KIRREL3: variants seen among roughly 807,000 people sequenced by gnomAD.
The protein encoded by KIRREL3 is kin of IRRE-like protein 3.
Under a neutral mutation model 89.7 loss-of-function variants are expected in KIRREL3, and 36 were observed. That is an observed-to-expected ratio of 0.40 (90% confidence interval 0.31 to 0.53). The LOEUF (loss-of-function observed/expected upper bound fraction) is 0.53. Among genes scored for constraint, KIRREL3 ranks in the 20% least tolerant of loss-of-function variants. The pLI is 0.49. For missense variants in KIRREL3, 864 were observed against 1,056.6 expected (o/e 0.82, Z 2.53); for synonymous variants, 445 against 441.4 (o/e 1.01, Z -0.10).
chr11:126,950,040 A>T (rs1276769319), intron 1 of KIRREL3, among the ~76,000 whole-genome samples: 1 of 152,198 alleles, frequency 6.6e-6, no homozygotes, highest in Non-Finnish European at 1.5e-5. Flanking sequence ...TGTTTTTTTT[A>T]AATGGAAACC....
At chr11:126,632,895 C>T (rs1944103620) in intron 1 of KIRREL3, among the ~76,000 whole-genome samples, 1 of 147,626 alleles carries the variant, frequency 6.8e-6, no homozygotes, top group Non-Finnish European at 1.5e-5. Context: ...ATTTTGAGAC[C>T]AGCCTGGCCA....
chr11:126,995,364 C>A lies in KIRREL3; in HGVS notation c.55+5091G>T, dbSNP rs772963405. The A allele has an allele frequency of 1.8e-5, 8 of 456,134 alleles. No individual in the cohort carries two copies. The highest frequency in any genetic ancestry group is 1.2e-4 in the African/African-American group (6 of 50,166). 28.3% of individuals were successfully genotyped at this position (456,134 alleles called of 1,614,324 possible). A position where few individuals can be genotyped will look rare whatever the true frequency, so the allele number is the denominator to read the frequency against. ...CTCATGATCTTACTGACCTTCTCCA[C>A]TGATGAATTAGAACACCCCTCTTCC... is the stretch of plus-strand genomic sequence containing the variant. On this transcript the variant is annotated intron_variant, in intron 1 of 16. Transcript: ENST00000525144. This position sits in a 1 kb window ranked among gnomAD's most constrained non-coding sequence, Gnocchi z 6.5.
chr11:126,447,285 C>A lies in KIRREL3; in HGVS notation c.998-399G>T, dbSNP rs1955857443. ...TCCATCCCAGTGGCGGGCAGGGGCC[C>A]TCCTCCTGCCCTGGAAATCTGGGCT... On this transcript the variant is annotated intron_variant, in intron 8 of 16. Coordinates refer to ENST00000525144, the MANE Select transcript of KIRREL3 (RefSeq NM_032531.4). Among the ~76,000 whole-genome samples, 2 of 151,998 alleles carry A rather than the reference C, an allele frequency of 1.3e-5. 1 individual carries two copies. Among genetic ancestry groups the A allele is most frequent in the Admixed American group, 1.3e-4 (2 of 15,274 alleles).
At chr11:126,758,613 A>T (rs1949577983) in intron 1 of KIRREL3, among the ~76,000 whole-genome samples, 1 of 152,238 alleles carries the variant, frequency 6.6e-6, no homozygotes, top group South Asian at 2.1e-4. Context: ...TAGAAGATAG[A>T]TGGGAAACAC....
intron 1 of KIRREL3, among the ~76,000 whole-genome samples, chr11:126,822,819 G>A (rs1001485463): frequency 6.6e-6 from 1 of 152,132 alleles, no homozygotes; most frequent in African/African-American, 2.4e-5. Flanking sequence ...CTCTCCAAGT[G>A]GCTTGCTTGG....
chr11:126,644,902 C>T (rs1944605511), intron 1 of KIRREL3, among the ~76,000 whole-genome samples: 1 of 152,170 alleles, frequency 6.6e-6, no homozygotes, highest in African/African-American at 2.4e-5. Context: ...GAGCCTGGTG[C>T]CTTTGACCAG....
rs1031275676 is a variant in KIRREL3, at chr11:126,655,721, G to C, written c.56-92809C>G. 6.6e-6 allele frequency among the ~76,000 whole-genome samples: 1 copy of C among 152,114 alleles called. No individual in the cohort carries two copies. Among genetic ancestry groups the C allele is most frequent in the Non-Finnish European group, 1.5e-5 (1 of 68,004 alleles). On this transcript the variant is annotated intron_variant, in intron 1 of 16. Coordinates refer to ENST00000525144, the MANE Select transcript of KIRREL3 (RefSeq NM_032531.4). The surrounding 1 kb of genome is among the most constrained non-coding windows in gnomAD (Gnocchi z 5.0). ...CATTTCAGGGGGCTGCAGATTTAGG[G>C]GGACAGTCCTGGTGGCTTGGTCTTA... is the stretch of plus-strand genomic sequence containing the variant.
chr11:126,461,976 G>A (rs1432858221), intron 6 of KIRREL3, among the ~76,000 whole-genome samples: 1 of 152,334 alleles, frequency 6.6e-6, no homozygotes, highest in Middle Eastern at 3.4e-3. Context: ...GCAGGGAGGG[G>A]ATCTCAGAGG....
rs143169945 is a variant in KIRREL3, at chr11:126,563,705, A to C, written c.56-793T>G. Among the ~76,000 whole-genome samples the C allele has an allele frequency of 3.3e-4, 51 of 152,348 alleles. No individual in the cohort carries two copies. The highest frequency in any genetic ancestry group is 1.2e-3 in the African/African-American group (50 of 41,580). ...CAAGAGATAACTTTTTTATTTGCAC[A>C]GTATTTTGTAAATCAGTGTCCATTG... is the stretch of plus-strand genomic sequence containing the variant. On this transcript the variant is annotated intron_variant, in intron 1 of 16. Coordinates refer to ENST00000525144, the MANE Select transcript of KIRREL3 (RefSeq NM_032531.4). This position sits in a 1 kb window ranked among gnomAD's most constrained non-coding sequence, Gnocchi z 6.8.
chr11:126,520,467 G>A lies in KIRREL3; in HGVS notation c.433+848C>T, dbSNP rs1418982372. Reference sequence around the variant, plus strand: ...CCCACCGAGCAGCGTCAGGAACAGCGGAGGTCATGTGCCTGAAAGAGCCTA... The same window carrying A: ...CCCACCGAGCAGCGTCAGGAACAGCAGAGGTCATGTGCCTGAAAGAGCCTA... On this transcript the variant is annotated intron_variant, in intron 4 of 16. Coordinates refer to ENST00000525144, the MANE Select transcript of KIRREL3 (RefSeq NM_032531.4). This position sits in a 1 kb window ranked among gnomAD's most constrained non-coding sequence, Gnocchi z 4.9. 2.6e-5 allele frequency among the ~76,000 whole-genome samples: 4 copies of A among 152,188 alleles called. No homozygotes were observed. The highest frequency in any genetic ancestry group is 9.6e-5 in the African/African-American group (4 of 41,456).
chr11:126,782,654 C>T lies in KIRREL3; in HGVS notation c.55+217801G>A, dbSNP rs1950363141. ...GTTTCACTGTTGGAGTGGGAGGTTACAGATAAGCAAAAGGAGGGGGCTAGA... is the reference window on the plus strand; with the variant it reads ...GTTTCACTGTTGGAGTGGGAGGTTATAGATAAGCAAAAGGAGGGGGCTAGA... On this transcript the variant is annotated intron_variant, in intron 1 of 16. Transcript: ENST00000525144. The surrounding 1 kb of genome is among the most constrained non-coding windows in gnomAD (Gnocchi z 4.1). Among the ~76,000 whole-genome samples the T allele has an allele frequency of 6.6e-6, 1 of 152,092 alleles. No individual in the cohort carries two copies. The highest frequency in any genetic ancestry group is 2.1e-4 in the South Asian group (1 of 4,822).
In KIRREL3 at chr11:126,490,375, C is replaced by G. The variant is rs1283373260; in HGVS notation, c.434-16909G>C. ...CCCATGAAGTATTCTTCAGCCTGGC[C>G]CTGTCCGTGAGCCAGGTTATTGGAA... On this transcript the variant is annotated intron_variant, in intron 4 of 16. Coordinates refer to ENST00000525144, the MANE Select transcript of KIRREL3 (RefSeq NM_032531.4). This position sits in a 1 kb window ranked among gnomAD's most constrained non-coding sequence, Gnocchi z 4.2. 6.6e-6 allele frequency among the ~76,000 whole-genome samples: 1 copy of G among 151,960 alleles called. No individual in the cohort carries two copies. The highest frequency in any genetic ancestry group is 1.9e-4 in the East Asian group (1 of 5,176).
At chr11:126,457,381 G>T (rs1956401612) in intron 6 of KIRREL3, among the ~76,000 whole-genome samples, 1 of 151,528 alleles carries the variant, frequency 6.6e-6, no homozygotes, top group African/African-American at 2.4e-5. Flanking sequence ...GTGTATGTGT[G>T]TATGCGTGTG....
At chr11:126,470,084 C>G (rs1956843341) in intron 5 of KIRREL3, among the ~76,000 whole-genome samples, 1 of 152,200 alleles carries the variant, frequency 6.6e-6, no homozygotes, top group Non-Finnish European at 1.5e-5. Flanking sequence ...CTCCGAGGGG[C>G]CTTCACAATG....
chr11:126,944,706 C>G (rs775463597), intron 1 of KIRREL3, among the ~76,000 whole-genome samples: 1 of 152,178 alleles, frequency 6.6e-6, no homozygotes, highest in Admixed American at 6.5e-5. Flanking sequence ...ACCTGCAAAC[C>G]TGGGGAGAGT....
At position 126,957,867 on chromosome 11, in the gene KIRREL3, T is replaced by C. The variant is rs181778386; in HGVS notation, c.55+42588A>G. Among the ~76,000 whole-genome samples the C allele has an allele frequency of 9.1e-4, 138 of 152,354 alleles. 1 individual carries two copies. The highest frequency in any genetic ancestry group is 3.4e-3 in the Middle Eastern group (1 of 294). ...CTTTACCATTCACCAACAAATCATC[T>C]CAAGGAACTTCTGTTTTCTCTTCTG... On this transcript the variant is annotated intron_variant, in intron 1 of 16. Transcript: ENST00000525144.
rs557416115 is a variant in KIRREL3, at chr11:126,496,890, C to T, written c.434-23424G>A. Among the ~76,000 whole-genome samples, 7 of 152,174 alleles carry T rather than the reference C, an allele frequency of 4.6e-5. No individual in the cohort carries two copies. Among genetic ancestry groups the T allele is most frequent in the Non-Finnish European group, 7.4e-5 (5 of 68,006 alleles). On this transcript the variant is annotated intron_variant, in intron 4 of 16. Coordinates refer to ENST00000525144, the MANE Select transcript of KIRREL3 (RefSeq NM_032531.4). The surrounding 1 kb of genome is among the most constrained non-coding windows in gnomAD (Gnocchi z 4.9). ...CCAGTTCTCCAGTGCCTCAATGTCC[C>T]GGAATTGCTTCTTGGAGGCCAATGA...
rs948675487 is a variant in KIRREL3 at position 126,639,358 on chromosome 11, C to G, written c.56-76446G>C. Among the ~76,000 whole-genome samples, 1 of 152,324 alleles carries G rather than the reference C, an allele frequency of 6.6e-6. No homozygotes were observed. The highest frequency in any genetic ancestry group is 1.9e-4 in the East Asian group (1 of 5,188). On this transcript the variant is annotated intron_variant, in intron 1 of 16. Coordinates refer to ENST00000525144, the MANE Select transcript of KIRREL3 (RefSeq NM_032531.4). This position sits in a 1 kb window ranked among gnomAD's most constrained non-coding sequence, Gnocchi z 4.3. Reference sequence around the variant, plus strand: ...TTTGGGTCCTTTTCTTTTTGTACCTCTGGGTAAGCAAAAGGAAAAACGTTC... The same window carrying G: ...TTTGGGTCCTTTTCTTTTTGTACCTGTGGGTAAGCAAAAGGAAAAACGTTC...
chr11:126,769,011 C>T lies in KIRREL3; in HGVS notation c.56-206099G>A, dbSNP rs756099562. ...TTGCAGTTTCCCAAATACACATTTC[C>T]GCAGCACATTTCCATGCCTCTGCAT... On this transcript the variant is annotated intron_variant, in intron 1 of 16. Transcript: ENST00000525144. The surrounding 1 kb of genome is among the most constrained non-coding windows in gnomAD (Gnocchi z 4.3). Among the ~76,000 whole-genome samples the T allele has an allele frequency of 9.2e-5, 14 of 152,158 alleles. No homozygotes were observed. The highest frequency in any genetic ancestry group is 3.1e-4 in the African/African-American group (13 of 41,428).
Sources: gnomAD v4.1 joint callset for allele counts (sites outside exome capture counted in the v4.1 genomes callset) on GRCh38, gnomAD v4.1.1 for gene constraint, Gnocchi (gnomAD v3.1) non-coding constraint, MANE v1.5 for transcripts, NCBI Gene and HGNC (gene_info 2026-07-23, HGNC 2026-07-21) for gene names.